Variants in GNPNAT1 observed in about 807,000 individuals in gnomAD.
GNPNAT1 encodes glucosamine 6-phosphate N-acetyltransferase.
A neutral mutation model predicts 19.8 loss-of-function variants in GNPNAT1; 11 were observed. The ratio of observed to expected loss-of-function variants is 0.56; its 90% confidence interval spans 0.35 to 0.92. GNPNAT1 has a LOEUF of 0.92. GNPNAT1 is among the 40% of genes least tolerant of loss of function. The pLI, the probability that GNPNAT1 is intolerant of heterozygous loss-of-function variation, is 0.01. For synonymous variants in GNPNAT1, 71 were observed against 72.3 expected, an observed-to-expected ratio of 0.98 and a Z score of 0.09; for missense variants, 157 against 211.0, an observed-to-expected ratio of 0.74 and a Z score of 1.59.
intron 1 of GNPNAT1, among the ~76,000 whole-genome samples, chr14:52,790,443 G>A (rs1883144138): frequency 6.6e-6 from 1 of 152,062 alleles, no homozygotes; most frequent in African/African-American, 2.4e-5. Flanking sequence ...AACACACCTG[G>A]CCATATTTAT....
chr14:52,786,323 G>C (rs1883017632), intron 1 of GNPNAT1, among the ~76,000 whole-genome samples: 1 of 151,642 alleles, frequency 6.6e-6, no homozygotes, highest in Non-Finnish European at 1.5e-5. Context: ...TGACCAACAT[G>C]GCGAAACCCT....
chr14:52,789,751 A>C (rs1330558487), intron 1 of GNPNAT1, among the ~76,000 whole-genome samples: 1 of 152,168 alleles, frequency 6.6e-6, no homozygotes, highest in African/African-American at 2.4e-5. Flanking sequence ...CTGCGAATAA[A>C]ATTGCACAGT....
Position 52,784,553 on chromosome 14 carries a change from G to A in GNPNAT1, c.98C>T (p.Thr33Ile), listed in dbSNP as rs1177347286. 1.2e-6 allele frequency: 2 copies of A among 1,609,648 alleles called. No homozygotes were observed. The highest frequency in any genetic ancestry group is 1.3e-5 in the African/African-American group (1 of 74,512). Residue 33 changes from threonine (T) to isoleucine (I), a missense_variant, in exon 2 of 6, where the codon ACA becomes ATA. By Grantham distance (89) the Thr-to-Ile change is moderately conservative. Coordinates refer to ENST00000216410, the MANE Select transcript of GNPNAT1 (RefSeq NM_198066.4). ...CAAAACCAAGCCTTCTCCAGGATGTGTTGGGGAAATGGCTGGAGAAAATGT... is the reference window on the plus strand; with the variant it reads ...CAAAACCAAGCCTTCTCCAGGATGTATTGGGGAAATGGCTGGAGAAAATGT... ...TATFSPAISP[T>I]HPGEGLVLRP...
At chr14:52,785,930 T>C (rs1883006840) in intron 1 of GNPNAT1, among the ~76,000 whole-genome samples, 1 of 150,776 alleles carries the variant, frequency 6.6e-6, no homozygotes, top group South Asian at 2.1e-4. Context: ...TTTGTATTTT[T>C]AGTAGAGACG....
chr14:52,788,462 G>C (rs540557564), intron 1 of GNPNAT1, among the ~76,000 whole-genome samples: 1 of 152,276 alleles, frequency 6.6e-6, no homozygotes, highest in South Asian at 2.1e-4. Context: ...ATGAAATTGA[G>C]TCCACGTGTT....
chr14:52,789,441 TAAAC>T (rs1353988945), intron 1 of GNPNAT1, among the ~76,000 whole-genome samples: 2 of 152,134 alleles, frequency 1.3e-5, no homozygotes, highest in African/African-American at 2.4e-5. Flanking sequence ...CAAAATACAT[TAAAC>T]AAAGCATTAC....
chr14:52,778,919 G>C (rs1047124883), intron 5 of GNPNAT1, among the ~76,000 whole-genome samples: 1 of 152,086 alleles, frequency 6.6e-6, no homozygotes, highest in Non-Finnish European at 1.5e-5. Context: ...AGAGGCTGAG[G>C]GGGGAAGATC....
Position 52,777,633 on chromosome 14 carries a change from A to G in GNPNAT1, c.*678T>C, listed in dbSNP as rs1194045572. ...AGGTATTTTTAACAAATGAATAGTCATAATTCACAGAAAAGACAAGTGGTA... is the reference window on the plus strand; with the variant it reads ...AGGTATTTTTAACAAATGAATAGTCGTAATTCACAGAAAAGACAAGTGGTA... On this transcript the variant is annotated 3_prime_UTR_variant, in exon 6 of 6. Transcript: ENST00000216410. 2 of 152,380 alleles carry G rather than the reference A, an allele frequency of 1.3e-5. No homozygotes were observed. Among genetic ancestry groups the G allele is most frequent in the East Asian group, 3.9e-4 (2 of 5,194 alleles). The allele number at this position is 152,380 out of a possible 1,614,324, so 9.4% of individuals were successfully genotyped here.
intron 3 of GNPNAT1, among the ~76,000 whole-genome samples, chr14:52,782,207 G>A (rs1396196134): frequency 6.6e-6 from 1 of 152,016 alleles, no homozygotes; most frequent in Non-Finnish European, 1.5e-5. Context: ...CCACTTCCAT[G>A]ACTAATGAAA....
At chr14:52,786,980 C>A (rs1883038075) in intron 1 of GNPNAT1, among the ~76,000 whole-genome samples, 2 of 141,990 alleles carry the variant, frequency 1.4e-5, no homozygotes, top group Non-Finnish European at 3.0e-5. Context: ...ACATCTTATA[C>A]AGATAGCACA....
chr14:52,789,141 G>A (rs1348700317), intron 1 of GNPNAT1, among the ~76,000 whole-genome samples: 3 of 152,180 alleles, frequency 2.0e-5, no homozygotes, highest in Non-Finnish European at 2.9e-5. Context: ...AGCTTCAGAA[G>A]CCCCTGACCT....
Position 52,777,978 on chromosome 14 carries a change from GCAGA to G in GNPNAT1, c.*329_*332del, listed in dbSNP as rs1196977646. 5.5e-5 allele frequency: 9 copies of G among 163,496 alleles called. No individual in the cohort carries two copies. Among genetic ancestry groups the G allele is most frequent in the Non-Finnish European group, 1.1e-4 (8 of 75,806 alleles). 10.1% of individuals were successfully genotyped at this position (163,496 alleles called of 1,614,324 possible). A position where few individuals can be genotyped will look rare whatever the true frequency, so the allele number is the denominator to read the frequency against. ...TTTTTTTAAATGAGCAACACAGATAGCAGACATATAACTCCTTATTACCCATACT... is the reference window on the plus strand; with the variant it reads ...TTTTTTTAAATGAGCAACACAGATAGCATATAACTCCTTATTACCCATACT... On this transcript the variant is annotated 3_prime_UTR_variant, in exon 6 of 6. Coordinates refer to ENST00000216410, the MANE Select transcript of GNPNAT1 (RefSeq NM_198066.4).
intron 1 of GNPNAT1, among the ~76,000 whole-genome samples, chr14:52,785,867 C>T (rs2139970449): frequency 6.6e-6 from 1 of 150,720 alleles, no homozygotes; most frequent in South Asian, 2.1e-4. Flanking sequence ...CCTGCCTCAG[C>T]CTTCTGAGTA....
chr14:52,782,929 C>T (rs573303361), intron 3 of GNPNAT1, among the ~76,000 whole-genome samples: 1 of 152,142 alleles, frequency 6.6e-6, no homozygotes, highest in East Asian at 1.9e-4. Context: ...GCAATAACTA[C>T]CTGTGATCTT....
At position 52,775,917 on chromosome 14, in the gene GNPNAT1, C is replaced by G. The variant is rs918893324; in HGVS notation, c.*2394G>C. Reference sequence around the variant, plus strand: ...TGTGGGCCAGGTGCAGTGGCTCGCACCTGTCATCCAAGCACTTTGGGAGGC... The same window carrying G: ...TGTGGGCCAGGTGCAGTGGCTCGCAGCTGTCATCCAAGCACTTTGGGAGGC... On this transcript the variant is annotated 3_prime_UTR_variant, in exon 6 of 6. Coordinates refer to ENST00000216410, the MANE Select transcript of GNPNAT1 (RefSeq NM_198066.4). 1.3e-5 allele frequency: 2 copies of G among 152,468 alleles called. No homozygotes were observed. The highest frequency in any genetic ancestry group is 4.8e-5 in the African/African-American group (2 of 41,350). 9.4% of individuals were successfully genotyped at this position (152,468 alleles called of 1,614,324 possible).
chr14:52,791,028 GGAGAA>G lies in GNPNAT1; in HGVS notation c.-15+395_-15+399del, dbSNP rs1297922717. On this transcript the variant is annotated intron_variant, in intron 1 of 5. Transcript: ENST00000216410. The surrounding 1 kb of genome is among the most constrained non-coding windows in gnomAD (Gnocchi z 4.1). ...CCACCGTGGGATGCGCCCGGGAATG[GGAGAA>G]GAGAAGGGGCCTGGGACGTTCGTGC... is the stretch of plus-strand genomic sequence containing the variant. Among the ~76,000 whole-genome samples the G allele has an allele frequency of 6.6e-6, 1 of 152,116 alleles. No homozygotes were observed. Among genetic ancestry groups the G allele is most frequent in the African/African-American group, 2.4e-5 (1 of 41,436 alleles).
At chr14:52,784,926 CTTTTTTTTTT>C (rs571852245) in intron 1 of GNPNAT1, among the ~76,000 whole-genome samples, 1 of 119,736 alleles carries the variant, frequency 8.4e-6, no homozygotes, top group African/African-American at 3.0e-5. Context: ...ATTATCAAGT[CTTTTTTTTTT>C]TTTTTTTTTC....
chr14:52,785,571 A>T (rs1882995226), intron 1 of GNPNAT1, among the ~76,000 whole-genome samples: 1 of 151,082 alleles, frequency 6.6e-6, no homozygotes, highest in African/African-American at 2.4e-5. Flanking sequence ...TAAAAATACA[A>T]AATTAGTCGG....
chr14:52,781,598 C>G, intron 4 of GNPNAT1, 186 bp downstream of exon 4: 1 of 437,478 alleles, frequency 2.3e-6, no homozygotes, highest in Non-Finnish European at 3.9e-6. Context: ...ATCCACCTTA[C>G]AGAACAATTT....
Sources: gnomAD v4.1 joint callset for allele counts (sites outside exome capture counted in the v4.1 genomes callset) on GRCh38, gnomAD v4.1.1 for gene constraint, Gnocchi (gnomAD v3.1) non-coding constraint, MANE v1.5 for transcripts, NCBI Gene and HGNC (gene_info 2026-07-23, HGNC 2026-07-21) for gene names.